SYNE2: variants seen among roughly 807,000 people sequenced by gnomAD.
SYNE2 encodes the protein spectrin repeat containing nuclear envelope protein 2.
Under a neutral mutation model 856.3 loss-of-function variants are expected in SYNE2, and 431 were observed. The observed-to-expected ratio is 0.50, with a 90% CI of 0.47 to 0.55. The LOEUF (loss-of-function observed/expected upper bound fraction) is 0.55, where lower values mean the gene tolerates loss of function less well. SYNE2 is among the 20% of genes least tolerant of loss of function. SYNE2 has a pLI of 0.00. For synonymous variants in SYNE2, 2,923 were observed against 2,872.3 expected (o/e 1.02, Z -0.56); for missense variants, 8,129 against 8,023.2 (o/e 1.01, Z -0.50).
intron 46 of SYNE2, chr14:64,048,718 G>A (rs1423795799): frequency 1.3e-5 from 2 of 152,432 alleles, no homozygotes; most frequent in Non-Finnish European, 2.9e-5. Flanking sequence ...GACCAGCCTG[G>A]GCAGCATTGC....
intron 79 of SYNE2, among the ~76,000 whole-genome samples, chr14:64,138,774 C>T (rs2098116058): frequency 6.6e-6 from 1 of 152,092 alleles, no homozygotes. Context: ...TCATTCTCAT[C>T]CCTGCATCTT....
Position 63,903,781 on chromosome 14 carries a change from A to G in SYNE2, c.-51-5317A>G, listed in dbSNP as rs151098438. Among the ~76,000 whole-genome samples the G allele has an allele frequency of 2.8e-4, 41 of 146,924 alleles. 1 individual carries two copies. Among genetic ancestry groups the G allele is most frequent in the African/African-American group, 9.9e-4 (40 of 40,464 alleles). On this transcript the variant is annotated intron_variant, in intron 1 of 115. Transcript: ENST00000555002. ...CTTTCCCCTACATTTGATACCTTAT[A>G]TTTGATTAATATTCAATGAAATGGC...
chr14:64,167,774 T>C (rs1377502099), intron 92 of SYNE2, 135 bp downstream of exon 92: 1 of 1,180,454 alleles, frequency 8.5e-7, no homozygotes, highest in East Asian at 2.5e-5. Context: ...GCAAATTCAG[T>C]TGTCAATTGG....
chr14:64,004,876 A>C (rs1015379534), intron 30 of SYNE2, among the ~76,000 whole-genome samples: 2 of 152,192 alleles, frequency 1.3e-5, no homozygotes, highest in Non-Finnish European at 2.9e-5. Context: ...CCCTCTCTCA[A>C]AGAAGAGAAA....
chr14:63,842,923 T>C (rs1890116801), intron 1 of SYNE2, among the ~76,000 whole-genome samples: 1 of 152,232 alleles, frequency 6.6e-6, no homozygotes, highest in African/African-American at 2.4e-5. Context: ...ACGTTTACTC[T>C]TAGATATTTT....
chr14:63,890,054 T>C (rs2095092987), intron 1 of SYNE2, among the ~76,000 whole-genome samples: 1 of 730 alleles, frequency 1.4e-3, no homozygotes, highest in Admixed American at 0.014. Flanking sequence ...TCTTTCTTTC[T>C]TTTTTTTTTT....
intron 77 of SYNE2, among the ~76,000 whole-genome samples, chr14:64,132,929 G>T (rs145672018): frequency 2.6e-5 from 4 of 152,236 alleles, no homozygotes; most frequent in African/African-American, 7.2e-5. Context: ...GAGGCCGGGC[G>T]CAGTGGCTCA....
intron 55 of SYNE2, 145 bp from the exon 56 acceptor site, chr14:64,080,311 G>C: frequency 4.8e-6 from 4 of 835,258 alleles, no homozygotes; most frequent in Non-Finnish European, 6.0e-6. Flanking sequence ...CAAATTGCTG[G>C]GTATAAATTA....
chr14:63,847,845 C>T (rs768586178), intron 1 of SYNE2, among the ~76,000 whole-genome samples: 3 of 151,408 alleles, frequency 2.0e-5, no homozygotes. Flanking sequence ...CTTGGCCACC[C>T]AAAGTGCTGG....
rs1892092024 is a variant in SYNE2 at position 63,857,369 on chromosome 14, T to G, written c.-52+4226T>G. Among the ~76,000 whole-genome samples the G allele has an allele frequency of 2.0e-5, 3 of 152,214 alleles. No individual in the cohort carries two copies. The South Asian group carries it at 6.2e-4, about 32-fold the overall frequency. On this transcript the variant is annotated intron_variant, in intron 1 of 115. Transcript: ENST00000555002. Reference sequence around the variant, plus strand: ...CTGATAGACGCCAGTTCATGTATCTTTTCACCCATTGATAGACATTTAGGT... The same window carrying G: ...CTGATAGACGCCAGTTCATGTATCTGTTCACCCATTGATAGACATTTAGGT...
At chr14:64,105,066 G>A (rs1027335133) in intron 64 of SYNE2, among the ~76,000 whole-genome samples, 3 of 152,008 alleles carry the variant, frequency 2.0e-5, no homozygotes, top group Non-Finnish European at 4.4e-5. Context: ...CCTGTCAGTG[G>A]CCAATGATGT....
intron 7 of SYNE2, 27 bp downstream of exon 7, chr14:63,950,033 G>A: frequency 6.2e-7 from 1 of 1,612,862 alleles, no homozygotes; most frequent in Non-Finnish European, 8.5e-7. Context: ...GACCCTAAGA[G>A]ACACACAGGG....
chr14:64,114,150 G>A (rs1337276792), intron 66 of SYNE2, among the ~76,000 whole-genome samples: 1 of 152,130 alleles, frequency 6.6e-6, no homozygotes, highest in Non-Finnish European at 1.5e-5. Context: ...TACTAGGAAT[G>A]CCCTGGGTTT....
intron 8 of SYNE2, among the ~76,000 whole-genome samples, chr14:63,956,712 T>C (rs1349996067): frequency 6.6e-6 from 1 of 152,202 alleles, no homozygotes; most frequent in Non-Finnish European, 1.5e-5. Context: ...GCATTTGTCC[T>C]GAGCATGTAC....
intron 46 of SYNE2, 102 bp downstream of exon 46, chr14:64,048,257 C>G (rs2097200065): frequency 9.3e-7 from 1 of 1,079,696 alleles, no homozygotes; most frequent in Non-Finnish European, 1.3e-6. Flanking sequence ...AGTGAAAAGT[C>G]TTATTTAACC....
At chr14:63,953,621 A>G (rs989127383) in intron 7 of SYNE2, among the ~76,000 whole-genome samples, 3 of 152,186 alleles carry the variant, frequency 2.0e-5, no homozygotes, top group African/African-American at 7.2e-5. Flanking sequence ...TGCCACTTTG[A>G]CCATTTTTAA....
intron 1 of SYNE2, among the ~76,000 whole-genome samples, chr14:63,843,396 G>A (rs1035591606): frequency 1.3e-5 from 2 of 152,148 alleles, no homozygotes; most frequent in Non-Finnish European, 1.5e-5. Context: ...TAATGTTTAA[G>A]ATGAATTATC....
chr14:64,070,613 C>G, intron 51 of SYNE2, 32 bp from the exon 52 acceptor site: 1 of 1,581,152 alleles, frequency 6.3e-7, no homozygotes, highest in South Asian at 1.1e-5. Context: ...GTATATTTTA[C>G]TTATTTTAGT....
chr14:64,031,384 G>A lies in SYNE2; in HGVS notation c.7221+27G>A, dbSNP rs745615373. 1.9e-6 allele frequency: 3 copies of A among 1,596,030 alleles called. No individual in the cohort carries two copies. The South Asian group carries it at 3.3e-5, about 18-fold the overall frequency. The stretch of plus-strand genomic sequence containing the variant: ...TAAGTGCTTGTGATTGCACTTTCAA[G>A]ACAGTGAGTCTGAGAATGAAGAGGT... On this transcript the variant is annotated intron_variant, in intron 45 of 115. Coordinates refer to ENST00000555002, the MANE Select transcript of SYNE2 (RefSeq NM_182914.3).
Sources: gnomAD v4.1 joint callset for allele counts (sites outside exome capture counted in the v4.1 genomes callset) on GRCh38, gnomAD v4.1.1 for gene constraint, MANE v1.5 for transcripts, NCBI Gene and HGNC (gene_info 2026-07-23, HGNC 2026-07-21) for gene names.